The following MAD1L1 variants were observed in gnomAD, a reference collection of about 807,000 sequenced individuals.
The protein encoded by MAD1L1 is mitotic arrest deficient 1 like 1, also known as mitotic spindle assembly checkpoint protein MAD1.
In MAD1L1, 95 loss-of-function variants were observed where a neutral mutation model predicts 96.9. The ratio of observed to expected loss-of-function variants is 0.98; its 90% CI spans 0.83 to 1.16. The LOEUF is 1.16. MAD1L1 is among the 50% of genes most tolerant of loss of function. MAD1L1 has a pLI of 0.00. For missense variants in MAD1L1, 1,007 were observed against 954.4 expected (o/e 1.06, Z -0.73); for synonymous variants, 473 against 396.6 (o/e 1.19, Z -2.29).
chr7:1,955,681 G>A (rs564654694), intron 16 of MAD1L1, among the ~76,000 whole-genome samples: 1 of 152,278 alleles, frequency 6.6e-6, no homozygotes, highest in East Asian at 1.9e-4. Flanking sequence ...ATCCCCTAGT[G>A]CGCAGGCCCC....
At chr7:2,161,799 C>T (rs1350689967) in intron 10 of MAD1L1, among the ~76,000 whole-genome samples, 3 of 151,898 alleles carry the variant, frequency 2.0e-5, no homozygotes, top group Non-Finnish European at 4.4e-5. Flanking sequence ...CCACCGCCAC[C>T]CCGTCTGGGA....
At chr7:2,196,260 C>T (rs1562360644) in intron 10 of MAD1L1, among the ~76,000 whole-genome samples, 1 of 152,224 alleles carries the variant, frequency 6.6e-6, no homozygotes, top group African/African-American at 2.4e-5. Context: ...CAACCACCAC[C>T]GTCAACAGTG....
chr7:2,144,251 C>A (rs189255682), intron 11 of MAD1L1, among the ~76,000 whole-genome samples: 2 of 152,330 alleles, frequency 1.3e-5, no homozygotes, highest in African/African-American at 2.4e-5. Context: ...TGAGAGGCTG[C>A]GCATGAAGCA....
At chr7:1,843,095 T>C (rs551574618) in intron 18 of MAD1L1, among the ~76,000 whole-genome samples, 2 of 152,256 alleles carry the variant, frequency 1.3e-5, no homozygotes, top group Admixed American at 6.5e-5. Context: ...GCAGCCCTGG[T>C]CATTCTCCAC....
intron 18 of MAD1L1, among the ~76,000 whole-genome samples, chr7:1,867,425 C>T (rs978880509): frequency 1.3e-5 from 2 of 152,214 alleles, no homozygotes; most frequent in Admixed American, 6.5e-5. Context: ...CTGGATGAGG[C>T]GGTGGCAGCA....
At chr7:2,123,603 TG>T (rs1788085805) in intron 11 of MAD1L1, among the ~76,000 whole-genome samples, 1 of 152,064 alleles carries the variant, frequency 6.6e-6, no homozygotes, top group South Asian at 2.1e-4. Context: ...AGGGCACGCA[TG>T]GGAGGCGTCA....
rs763349358 is a variant in MAD1L1, at chr7:2,216,208, G to C, written c.758C>G (p.Pro253Arg). Residue 253 changes from proline to arginine, a missense_variant, in exon 8 of 19, where the codon CCT (proline) becomes CGT (arginine). By Grantham distance (103) the Pro-to-Arg change is moderately radical. Coordinates refer to ENST00000265854, the MANE Select transcript of MAD1L1 (RefSeq NM_001013836.2). ...CTGCTTCAGCTCCCGTTCCAGCCTA[G>C]GGAGCCGTACCAGCTCAGACTTCAT... is the stretch of plus-strand genomic sequence containing the variant. ...KNMKSELVRL[P>R]RLERELKQLR... 1 of 1,614,058 alleles carries C rather than the reference G, an allele frequency of 6.2e-7. No individual in the cohort carries two copies. Among genetic ancestry groups the C allele is most frequent in the Admixed American group, 1.7e-5 (1 of 60,030 alleles).
chr7:1,836,812 A>T (rs182136839), intron 18 of MAD1L1, among the ~76,000 whole-genome samples: 6 of 152,130 alleles, frequency 3.9e-5, no homozygotes, highest in African/African-American at 1.4e-4. Flanking sequence ...ATAAAAAAAA[A>T]CTCAAAATGG....
intron 11 of MAD1L1, among the ~76,000 whole-genome samples, chr7:2,098,224 C>T (rs532621455): frequency 9.8e-5 from 15 of 152,298 alleles, no homozygotes; most frequent in African/African-American, 3.4e-4. Context: ...GACTGCACAG[C>T]GCCGTCCTCT....
chr7:1,919,950 C>A (rs892791637), intron 17 of MAD1L1, among the ~76,000 whole-genome samples: 2 of 152,150 alleles, frequency 1.3e-5, no homozygotes, highest in Non-Finnish European at 2.9e-5. Flanking sequence ...CTTACCCACA[C>A]CCCTCCTCCA....
At chr7:1,990,728 G>A (rs1420748958) in intron 14 of MAD1L1, among the ~76,000 whole-genome samples, 3 of 151,868 alleles carry the variant, frequency 2.0e-5, no homozygotes, top group Non-Finnish European at 4.4e-5. Flanking sequence ...CACGAGCACC[G>A]CTGGGTGCCT....
intron 16 of MAD1L1, among the ~76,000 whole-genome samples, chr7:1,947,202 C>T (rs1301966860): frequency 2.6e-5 from 4 of 152,194 alleles, no homozygotes; most frequent in East Asian, 1.9e-4. Context: ...TTGGCTGCCC[C>T]GGGCAAAGGA....
chr7:2,201,273 T>C (rs1792280833), intron 10 of MAD1L1, among the ~76,000 whole-genome samples: 1 of 136,298 alleles, frequency 7.3e-6, no homozygotes, highest in Admixed American at 7.6e-5. Context: ...CCTCTGGCCC[T>C]CGGCTGGCGC....
At chr7:1,989,691 GTGGACCAGCCTCAGCA>G (rs1222414664) in intron 14 of MAD1L1, among the ~76,000 whole-genome samples, 12 of 152,004 alleles carry the variant, frequency 7.9e-5, no homozygotes, top group African/African-American at 2.9e-4. Context: ...CAGCCTCAGC[GTGGACCAGCCTCAGCA>G]TGGATCAGCC....
intron 12 of MAD1L1, among the ~76,000 whole-genome samples, chr7:2,019,823 C>T (rs1242949542): frequency 6.6e-6 from 1 of 152,222 alleles, no homozygotes; most frequent in Non-Finnish European, 1.5e-5. Flanking sequence ...GATGCCCTGG[C>T]CCCCACAACC....
chr7:1,993,263 G>A (rs1427248882), intron 14 of MAD1L1, among the ~76,000 whole-genome samples: 1 of 152,196 alleles, frequency 6.6e-6, no homozygotes, highest in Admixed American at 6.5e-5. Flanking sequence ...AATAACCCTA[G>A]TAAGCAGTGG....
At chr7:1,839,392 C>G (rs1183152054) in intron 18 of MAD1L1, among the ~76,000 whole-genome samples, 5 of 143,958 alleles carry the variant, frequency 3.5e-5, no homozygotes, top group African/African-American at 1.0e-4. Context: ...AGGAAAGCAT[C>G]CTGCCCACCC....
chr7:2,132,719 G>C (rs1042894719), intron 11 of MAD1L1, among the ~76,000 whole-genome samples: 1 of 152,154 alleles, frequency 6.6e-6, no homozygotes, highest in South Asian at 2.1e-4. Context: ...TTCACAGCTT[G>C]GTAGCTCATT....
chr7:2,030,474 T>A (rs1783175005), intron 12 of MAD1L1, among the ~76,000 whole-genome samples: 1 of 152,214 alleles, frequency 6.6e-6, no homozygotes, highest in Non-Finnish European at 1.5e-5. Flanking sequence ...CATGAACAGA[T>A]AAGGCTAATT....
Sources: gnomAD v4.1 joint callset for allele counts (sites outside exome capture counted in the v4.1 genomes callset) on GRCh38, gnomAD v4.1.1 for gene constraint, MANE v1.5 for transcripts, NCBI Gene and HGNC (gene_info 2026-07-23, HGNC 2026-07-21) for gene names.